The following MAX variants were observed in gnomAD, a reference collection of about 807,000 sequenced individuals.
MAX encodes the protein MYC associated transcriptional regulator X.
A neutral mutation model predicts 22.3 loss-of-function variants in MAX; 3 were observed. The ratio of observed to expected loss-of-function variants is 0.13; its 90% CI spans 0.06 to 0.35. MAX has a LOEUF of 0.35. Ranked by LOEUF, MAX falls within the 10% of genes least tolerant of loss-of-function variation. The probability of loss-of-function intolerance (pLI) is 1.00; values close to 1 mark genes in which losing one functional copy is unlikely to be tolerated. For synonymous variants in MAX, 72 were observed against 77.7 expected, an observed-to-expected ratio of 0.93 and a Z score of 0.39; for missense variants, 119 against 209.4, an observed-to-expected ratio of 0.57 and a Z score of 2.66.
In MAX at chr14:65,030,084, C is replaced by G. The variant is rs112182271; in HGVS notation, c.172-23800G>C. 6.4e-3 allele frequency among the ~76,000 whole-genome samples: 972 copies of G among 152,312 alleles called. 17 individuals are homozygous for G. The highest frequency in any genetic ancestry group is 0.044 in the South Asian group (210 of 4,820). ...CATCTCAGCGTGAGACCTGGGACTC[C>G]TGTCTTCTGTCATCACTTCTTAGTC... On this transcript the variant is annotated intron_variant, in intron 3 of 3. Transcript: ENST00000341653. The surrounding 1 kb of genome is among the most constrained non-coding windows in gnomAD (Gnocchi z 4.5).
rs767476769 is a variant in MAX at position 65,076,699 on chromosome 14, T to C, written c.296-36A>G. On this transcript the variant is annotated intron_variant, in intron 4 of 4. Coordinates refer to ENST00000358664, the MANE Select transcript of MAX (RefSeq NM_002382.5). The surrounding 1 kb of genome is among the most constrained non-coding windows in gnomAD (Gnocchi z 6.6). Reference sequence around the variant, plus strand: ...ACCAAGGGAGTGTGTTACTGCCTTCTGGAGACTTGGGGAGTAACCGAGTCT... The same window carrying C: ...ACCAAGGGAGTGTGTTACTGCCTTCCGGAGACTTGGGGAGTAACCGAGTCT... The C allele has an allele frequency of 4.3e-6, 7 of 1,613,702 alleles. No individual in the cohort carries two copies. Among genetic ancestry groups the C allele is most frequent in the Non-Finnish European group, 5.1e-6 (6 of 1,179,704 alleles).
In MAX at chr14:65,030,213, A is replaced by T. The variant is rs542877349; in HGVS notation, c.172-23929T>A. Among the ~76,000 whole-genome samples, 18 of 152,320 alleles carry T rather than the reference A, an allele frequency of 1.2e-4. No homozygotes were observed. In the East Asian group the frequency reaches 3.5e-3, roughly 29 times the overall value. ...ATCTGAGCCTCTTTAAGAGGCCTAC[A>T]ATTGCAAGGAAATTAGACAGATCTT... On this transcript the variant is annotated intron_variant, in intron 3 of 3. Transcript: ENST00000341653. This position sits in a 1 kb window ranked among gnomAD's most constrained non-coding sequence, Gnocchi z 4.5.
intron 3 of MAX, among the ~76,000 whole-genome samples, chr14:65,065,760 A>G (rs1157519133): frequency 6.6e-6 from 1 of 152,214 alleles, no homozygotes; most frequent in Non-Finnish European, 1.5e-5. Context: ...CCTGCTGCTT[A>G]AAAAGTGCTG....
chr14:65,048,020 C>G (rs1300090971), intron 3 of MAX, among the ~76,000 whole-genome samples: 1 of 118,730 alleles, frequency 8.4e-6, no homozygotes, highest in Non-Finnish European at 1.6e-5. Context: ...CAGAGTCTCA[C>G]TCTGTTGCTG....
chr14:65,061,081 T>C, intron 3 of MAX: 2 of 1,539,190 alleles, frequency 1.3e-6, no homozygotes, highest in African/African-American at 2.7e-5. Flanking sequence ...TCTGATTCCT[T>C]ATACTAAATT....
chr14:65,014,738 C>T lies in MAX; in HGVS notation c.172-8454G>A, dbSNP rs148951785. On this transcript the variant is annotated intron_variant, in intron 3 of 3. Transcript: ENST00000341653. This position sits in a 1 kb window ranked among gnomAD's most constrained non-coding sequence, Gnocchi z 5.1. ...CTGAGGTGGGAGGATTGCTTGAGCC[C>T]GGGAGGTTGAGGCTGCAGTGAGCTG... Among the ~76,000 whole-genome samples, 110 of 152,172 alleles carry T rather than the reference C, an allele frequency of 7.2e-4. 2 individuals are homozygous for T. In the East Asian group the frequency reaches 0.018, roughly 25 times the overall value.
chr14:65,059,601 C>G (rs1316904813), intron 3 of MAX, among the ~76,000 whole-genome samples: 1 of 151,354 alleles, frequency 6.6e-6, no homozygotes, highest in Non-Finnish European at 1.5e-5. Flanking sequence ...TCCTAGTATT[C>G]TCTCAAAATT....
intron 3 of MAX, among the ~76,000 whole-genome samples, chr14:65,087,020 G>C (rs1253230385): frequency 6.6e-6 from 1 of 152,368 alleles, no homozygotes; most frequent in East Asian, 1.9e-4. Flanking sequence ...GCCCAATGCA[G>C]AGCTCAGGTT....
In MAX at chr14:65,025,035, A is replaced by G. The variant is rs116446775; in HGVS notation, c.172-18751T>C. Reference sequence around the variant, plus strand: ...CTGGTAGTTCATAGTCAACTTGCCAATTCCTTAAGGTGCAAGTTGGAAAGC... The same window carrying G: ...CTGGTAGTTCATAGTCAACTTGCCAGTTCCTTAAGGTGCAAGTTGGAAAGC... On this transcript the variant is annotated intron_variant, in intron 3 of 3. Coordinates refer to the MAX transcript ENST00000341653. Among the ~76,000 whole-genome samples the G allele has an allele frequency of 2.3e-3, 349 of 152,282 alleles. 1 individual carries two copies. Among genetic ancestry groups the G allele is most frequent in the African/African-American group, 7.8e-3 (323 of 41,550 alleles).
downstream of MAX, chr14:65,075,111 A>C: frequency 9.9e-7 from 1 of 1,014,748 alleles, no homozygotes; most frequent in South Asian, 4.6e-5. This position sits in a 1 kb window ranked among gnomAD's most constrained non-coding sequence, Gnocchi z 4.1. Context: ...AAGGGTAAGA[A>C]GACACCACCA....
At position 65,028,741 on chromosome 14, in the gene MAX, AC is replaced by A. The variant is rs2062027603; in HGVS notation, c.172-22458del. ...AAAAATTAGATTAGGATCTGTGTAT[AC>A]CAGTGAAACCAGTAGAACGACTGAG... On this transcript the variant is annotated intron_variant, in intron 3 of 3. Transcript: ENST00000341653. The surrounding 1 kb of genome is among the most constrained non-coding windows in gnomAD (Gnocchi z 4.4). Among the ~76,000 whole-genome samples the A allele has an allele frequency of 6.6e-6, 1 of 152,254 alleles. No homozygotes were observed. Among genetic ancestry groups the A allele is most frequent in the Non-Finnish European group, 1.5e-5 (1 of 68,034 alleles).
chr14:65,077,510 T>G lies in MAX; in HGVS notation c.295+403A>C, dbSNP rs1454473925. The G allele has an allele frequency of 3.0e-6, 3 of 1,015,354 alleles. No homozygotes were observed. The East Asian group carries it at 7.1e-5, about 24-fold the overall frequency. The allele number at this position is 1,015,354 out of a possible 1,614,324, so 62.9% of individuals were successfully genotyped here. A position where few individuals can be genotyped will look rare whatever the true frequency, so the allele number is the denominator to read the frequency against. On this transcript the variant is annotated intron_variant, in intron 4 of 4. Coordinates refer to ENST00000358664, the MANE Select transcript of MAX (RefSeq NM_002382.5). This position sits in a 1 kb window ranked among gnomAD's most constrained non-coding sequence, Gnocchi z 6.3. ...TAGGCTGCCCTGATTGGACTACCAT[T>G]GACAATGGGGAGGGCTCACTGTCCC...
chr14:65,060,977 C>T (rs547803700), intron 3 of MAX, among the ~76,000 whole-genome samples: 8 of 150,642 alleles, frequency 5.3e-5, no homozygotes, highest in Admixed American at 2.7e-4. Context: ...TATTTAAATG[C>T]GTGTTTATAA....
chr14:65,053,322 C>T (rs374785351), intron 3 of MAX: 81 of 1,437,222 alleles, frequency 5.6e-5, no homozygotes, highest in Non-Finnish European at 6.9e-5. Flanking sequence ...CAGTGCCCTG[C>T]GGGGGGGCTT....
intron 3 of MAX, among the ~76,000 whole-genome samples, chr14:65,053,717 A>G (rs908572361): frequency 1.3e-5 from 2 of 152,168 alleles, no homozygotes; most frequent in African/African-American, 4.8e-5. Flanking sequence ...AATCATGACA[A>G]CTATTATAGA....
chr14:65,051,954 C>A (rs1008334638), intron 3 of MAX, among the ~76,000 whole-genome samples: 1 of 151,862 alleles, frequency 6.6e-6, no homozygotes, highest in Non-Finnish European at 1.5e-5. Context: ...ACCACCATGT[C>A]CGGCTAATTT....
Position 65,044,624 on chromosome 14 carries a change from A to C in MAX, c.172-38340T>G. On this transcript the variant is annotated intron_variant, in intron 3 of 3. Transcript: ENST00000341653. This position sits in a 1 kb window ranked among gnomAD's most constrained non-coding sequence, Gnocchi z 5.5. ...CGAATGCAGAGTAAGATTTAGTTTC[A>C]TTGGTTTAGTGTCATTCTTTGCTTC... is the stretch of plus-strand genomic sequence containing the variant. 1.1e-6 allele frequency: 1 copy of C among 919,558 alleles called. No individual in the cohort carries two copies. The highest frequency in any genetic ancestry group is 1.5e-6 in the Non-Finnish European group (1 of 654,390). The allele number at this position is 919,558 out of a possible 1,614,324, so 57.0% of individuals were successfully genotyped here. A position where few individuals can be genotyped will look rare whatever the true frequency, so the allele number is the denominator to read the frequency against.
chr14:65,016,018 A>G (rs537627864), intron 3 of MAX, among the ~76,000 whole-genome samples: 1 of 152,302 alleles, frequency 6.6e-6, no homozygotes, highest in East Asian at 1.9e-4. Context: ...ACTCTGAGAG[A>G]CAAGATTTTG....
In MAX at chr14:65,027,570, C is replaced by T; in HGVS notation, c.172-21286G>A. ...CAGTCAATGCATTGTGCATCATTGG[C>T]ACCGAGGAGGCCTATGACATCATTA... On this transcript the variant is annotated intron_variant, in intron 3 of 3. Transcript: ENST00000341653. The surrounding 1 kb of genome is among the most constrained non-coding windows in gnomAD (Gnocchi z 5.7). The T allele has an allele frequency of 1.2e-6, 2 of 1,614,194 alleles. No individual in the cohort carries two copies. Among genetic ancestry groups the T allele is most frequent in the African/African-American group, 1.3e-5 (1 of 75,044 alleles).
Sources: allele counts gnomAD v4.1 joint callset (sites outside exome capture counted in the v4.1 genomes callset), GRCh38; gene constraint gnomAD v4.1.1; non-coding constraint Gnocchi (gnomAD v3.1); transcripts MANE v1.5; gene names NCBI Gene and HGNC (gene_info 2026-07-23, HGNC 2026-07-21).